The following ALDH3B2 variants were observed in gnomAD, a reference collection of about 807,000 sequenced individuals.
The protein encoded by ALDH3B2 is aldehyde dehydrogenase family 3 member B2.
ALDH3B2 carries 45 observed loss-of-function variants against 36.7 expected under a neutral mutation model. The observed-to-expected ratio is 1.23, with a 90% CI of 0.97 to 1.57. The LOEUF is 1.57. Among genes scored for constraint, ALDH3B2 ranks in the 40% most tolerant of loss-of-function variants. The pLI is 0.00. For synonymous variants in ALDH3B2, 217 were observed against 226.5 expected (o/e 0.96, Z 0.38); for missense variants, 464 against 513.3 (o/e 0.90, Z 0.93).
At chr11:67,666,483 G>A in intron 4 of ALDH3B2, 82 bp from the exon 5 acceptor site, 1 of 1,603,614 alleles carries the variant, frequency 6.2e-7, no homozygotes, top group East Asian at 2.2e-5. Flanking sequence ...GGGCATGTGA[G>A]GCCCAGGGTA....
At chr11:67,666,547 G>C in intron 4 of ALDH3B2, 27 bp downstream of exon 4, 1 of 1,613,444 alleles carries the variant, frequency 6.2e-7, no homozygotes, top group Non-Finnish European at 8.5e-7. Flanking sequence ...GGCGGGGAGA[G>C]CATGGGGTTC....
At chr11:67,669,511 T>C (rs1370889575) in intron 1 of ALDH3B2, among the ~76,000 whole-genome samples, 2 of 150,470 alleles carry the variant, frequency 1.3e-5, no homozygotes, top group African/African-American at 4.9e-5. Flanking sequence ...TGTCTGCGTG[T>C]GTATGGGTGT....
intron 1 of ALDH3B2, among the ~76,000 whole-genome samples, chr11:67,670,709 T>G (rs1024153354): frequency 1.3e-5 from 2 of 152,118 alleles, no homozygotes; most frequent in Non-Finnish European, 2.9e-5. Context: ...CAGGAAGCCA[T>G]GCTGGGCACC....
chr11:67,671,548 C>G (rs35431164), intron 1 of ALDH3B2, among the ~76,000 whole-genome samples: 1 of 139,240 alleles, frequency 7.2e-6, no homozygotes, highest in African/African-American at 3.0e-5. Flanking sequence ...CCTCCCCCCC[C>G]TTTTTTTTTT....
At chr11:67,677,154 A>T (rs1591150827), upstream of ALDH3B2, among the ~76,000 whole-genome samples, 1 of 152,236 alleles carries the variant, frequency 6.6e-6, no homozygotes. Flanking sequence ...CAACCAAAAA[A>T]GGAAATGACA....
chr11:67,677,785 C>T (rs1202877735), upstream of ALDH3B2, among the ~76,000 whole-genome samples: 2 of 152,092 alleles, frequency 1.3e-5, no homozygotes, highest in African/African-American at 4.8e-5. Context: ...GTACACAAAT[C>T]AGTAGCTCTT....
At chr11:67,667,986 C>G (rs1375348100) in intron 1 of ALDH3B2, 1 of 153,140 alleles carries the variant, frequency 6.5e-6, no homozygotes, top group African/African-American at 2.4e-5. Context: ...TGCACCTCCC[C>G]TCCTTGCGCA....
chr11:67,677,355 C>T (rs1456650938), upstream of ALDH3B2, among the ~76,000 whole-genome samples: 1 of 152,150 alleles, frequency 6.6e-6, no homozygotes, highest in East Asian at 1.9e-4. Context: ...ATGAAAATCA[C>T]ATGATCATCT....
chr11:67,665,199 G>A (rs570334707), intron 7 of ALDH3B2, 86 bp downstream of exon 7: 24 of 1,515,612 alleles, frequency 1.6e-5, no homozygotes, highest in Admixed American at 1.6e-4. Context: ...TTTCAGGTGC[G>A]AGTCCAGACT....
chr11:67,667,025 G>A lies in ALDH3B2; in HGVS notation c.-81-9C>T. The A allele has an allele frequency of 6.4e-7, 1 of 1,554,080 alleles. No individual in the cohort carries two copies. Among genetic ancestry groups the A allele is most frequent in the South Asian group, 1.1e-5 (1 of 89,410 alleles). On this transcript the variant is annotated splice_polypyrimidine_tract_variant and intron_variant, in intron 2 of 9. Transcript: ENST00000349015. ...TCTGCCTCGAAAGCTGGCTGTGGTG[G>A]AGGTGGAATTCAGAGTGGTCAGGCC...
rs1409561885 is a variant in ALDH3B2, at chr11:67,663,253, G to GT, written c.1119dup (p.Arg374ThrfsTer27). ...CAGCTCTGGGAGCCCATGCCCCAGC[G>GT]TAACAGCTGCTGGTTCCAGTCGGTA... On this transcript the variant is annotated frameshift_variant, in exon 10 of 10. Transcript: ENST00000349015. LOFTEE classifies it low-confidence loss of function (END_TRUNC). The GT allele has an allele frequency of 6.2e-7, 1 of 1,613,346 alleles. No individual in the cohort carries two copies. The highest frequency in any genetic ancestry group is 2.2e-5 in the East Asian group (1 of 44,894).
Position 67,668,546 on chromosome 11 carries a change from G to A in ALDH3B2, c.-244-911C>T, listed in dbSNP as rs370041080. On this transcript the variant is annotated intron_variant, in intron 1 of 9. Transcript: ENST00000349015. ...TGTGTCTTTGTGTATCCGTGTGTCT[G>A]TGTGTGTCTTTGTGTATCCGTGTGT... is the stretch of plus-strand genomic sequence containing the variant. 3.0e-4 allele frequency among the ~76,000 whole-genome samples: 46 copies of A among 152,262 alleles called. 1 individual carries two copies. The East Asian group carries it at 5.6e-3, about 19-fold the overall frequency.
chr11:67,666,952 T>C, exon 3 of ALDH3B2: 1 of 1,614,158 alleles, frequency 6.2e-7, no homozygotes, highest in Admixed American at 1.7e-5. Context: ...CTGCAGGTTC[T>C]TGAGAGCGTA....
At chr11:67,666,049 C>T (rs1855897853) in intron 6 of ALDH3B2, 73 bp downstream of exon 6, 4 of 1,568,644 alleles carry the variant, frequency 2.5e-6, no homozygotes, top group African/African-American at 2.7e-5. Context: ...AGCCTCCTCC[C>T]TCCACAACCC....
At chr11:67,673,016 C>T (rs1406138492) in intron 1 of ALDH3B2, among the ~76,000 whole-genome samples, 3 of 148,352 alleles carry the variant, frequency 2.0e-5, no homozygotes, top group Non-Finnish European at 4.5e-5. Flanking sequence ...CTGCAAACTC[C>T]GCCTCCCGGG....
At chr11:67,664,351 C>T in intron 8 of ALDH3B2, 45 bp downstream of exon 8, 1 of 1,611,788 alleles carries the variant, frequency 6.2e-7, no homozygotes. Context: ...CCAGTCTGTG[C>T]CCCTTTCAGC....
At chr11:67,663,848 C>G in intron 8 of ALDH3B2, 87 bp from the exon 9 acceptor site, 1 of 1,094,622 alleles carries the variant, frequency 9.1e-7, no homozygotes, top group Non-Finnish European at 1.3e-6. Context: ...AGGTGAGCCT[C>G]ATCCTCACCT....
At chr11:67,663,125 G>A (rs1855789918) in exon 10 of ALDH3B2, 1 of 1,442,546 alleles carries the variant, frequency 6.9e-7, no homozygotes, top group African/African-American at 1.4e-5. Flanking sequence ...GGAACCTGCG[G>A]TCTGGAGGAA....
Position 67,666,572 on chromosome 11 carries a change from A to G in ALDH3B2, c.151+2T>C. 6.2e-7 allele frequency: 1 copy of G among 1,613,668 alleles called. No individual in the cohort carries two copies. The highest frequency in any genetic ancestry group is 8.5e-7 in the Non-Finnish European group (1 of 1,179,800). On this transcript the variant is annotated splice_donor_variant, in intron 4 of 9. Transcript: ENST00000349015. LOFTEE classifies it high-confidence loss of function. ...GCATGGGGTTCGGAACGCCCTCCTC[A>G]CCTGCGGCGAGGGCGCCCACCAGGA... is the stretch of plus-strand genomic sequence containing the variant.
Sources: gnomAD v4.1 joint callset for allele counts (sites outside exome capture counted in the v4.1 genomes callset) on GRCh38, gnomAD v4.1.1 for gene constraint, MANE v1.5 for transcripts, NCBI Gene and HGNC (gene_info 2026-07-23, HGNC 2026-07-21) for gene names.